Variants in SCN11A observed in about 807,000 individuals in gnomAD.
The protein encoded by SCN11A is sodium channel protein type 11 subunit alpha.
A neutral mutation model predicts 162.2 loss-of-function variants in SCN11A; 122 were observed. The observed-to-expected ratio is 0.75, with a 90% confidence interval of 0.65 to 0.87. The LOEUF (loss-of-function observed/expected upper bound fraction) is 0.87, where lower values mean the gene tolerates loss of function less well. Ranked by LOEUF, SCN11A falls within the 40% of genes least tolerant of loss-of-function variation. SCN11A has a pLI of 0.00. For synonymous variants in SCN11A, 758 were observed against 751.5 expected, an observed-to-expected ratio of 1.01 and a Z score of -0.14; for missense variants, 2,015 against 2,181.6, an observed-to-expected ratio of 0.92 and a Z score of 1.52.
chr3:38,902,179 T>C (rs2126122755), intron 16 of SCN11A, among the ~76,000 whole-genome samples: 1 of 152,336 alleles, frequency 6.6e-6, no homozygotes, highest in South Asian at 2.1e-4. Flanking sequence ...CTGCTGACCA[T>C]GCCCCTATAG....
chr3:38,882,036 G>A (rs1433147769), intron 22 of SCN11A, among the ~76,000 whole-genome samples: 1 of 152,152 alleles, frequency 6.6e-6, no homozygotes, highest in Admixed American at 6.5e-5. Context: ...TAGACAGCCA[G>A]TGAAAATGTA....
Position 38,863,347 on chromosome 3 carries a change from A to T in SCN11A, c.3952-48T>A, listed in dbSNP as rs371513504. On this transcript the variant is annotated intron_variant, in intron 27 of 29. Coordinates refer to ENST00000302328, the MANE Select transcript of SCN11A (RefSeq NM_001349253.2). ...AATTACCTTTAACAGTTTTTTTTTT[A>T]ATCTAGTTCTGAATTTTTTGACACA... The T allele has an allele frequency of 4.5e-4, 411 of 915,756 alleles. No homozygotes were observed. The African/African-American group carries it at 5.6e-3, about 13-fold the overall frequency. 56.7% of individuals were successfully genotyped at this position (915,756 alleles called of 1,614,324 possible).
chr3:39,003,493 T>C (rs2030878220), intron 2 of SCN11A, among the ~76,000 whole-genome samples: 1 of 152,240 alleles, frequency 6.6e-6, no homozygotes, highest in Non-Finnish European at 1.5e-5. Context: ...AATGAACATC[T>C]GCATGTATGT....
intron 7 of SCN11A, among the ~76,000 whole-genome samples, chr3:38,927,364 T>C (rs182454620): frequency 1.5e-4 from 23 of 152,304 alleles, no homozygotes; most frequent in African/African-American, 4.1e-4. Flanking sequence ...AGGTTTAATA[T>C]TGTTAAGATA....
rs577145644 is a variant in SCN11A at position 38,926,911 on chromosome 3, T to C, written c.509A>G (p.Tyr170Cys). Residue 170 changes from tyrosine to cysteine, a missense_variant, in exon 8 of 30, where the codon TAT (tyrosine) becomes TGT (cysteine). By Grantham distance (194) the Tyr-to-Cys change is radical (BLOSUM62 -2). Coordinates refer to ENST00000302328, the MANE Select transcript of SCN11A (RefSeq NM_001349253.2). ...DIAECVFTGIYIFEALIKILA... is the reference protein window; with the variant it reads ...DIAECVFTGICIFEALIKILA... ...TATTTTAATCAAAGCTTCAAAAATA[T>C]AAATCCCAGTGAAGACACACCTAAA... is the stretch of plus-strand genomic sequence containing the variant. The C allele has an allele frequency of 6.2e-7, 1 of 1,613,238 alleles. No individual in the cohort carries two copies. Among genetic ancestry groups the C allele is most frequent in the South Asian group, 1.1e-5 (1 of 91,002 alleles).
chr3:38,972,340 T>C (rs1056575675), intron 2 of SCN11A, among the ~76,000 whole-genome samples: 3 of 152,128 alleles, frequency 2.0e-5, no homozygotes, highest in Non-Finnish European at 4.4e-5. Flanking sequence ...CCAGGTCCTT[T>C]TACCTATGCT....
At chr3:38,905,100 C>G in intron 15 of SCN11A, 92 bp downstream of exon 15, 1 of 1,559,390 alleles carries the variant, frequency 6.4e-7, no homozygotes, top group Non-Finnish European at 8.8e-7. Flanking sequence ...AAACAGCCTC[C>G]TTTGCAGAGG....
intron 19 of SCN11A, among the ~76,000 whole-genome samples, chr3:38,892,895 A>G (rs1276839405): frequency 1.3e-5 from 2 of 152,134 alleles, no homozygotes; most frequent in East Asian, 3.9e-4. Context: ...AGTTATTAAA[A>G]TGTTATACTA....
At chr3:39,008,297 A>G (rs1177803320) in intron 2 of SCN11A, among the ~76,000 whole-genome samples, 1 of 151,320 alleles carries the variant, frequency 6.6e-6, no homozygotes, top group Non-Finnish European at 1.5e-5. Flanking sequence ...ATGAGAGGAG[A>G]ATAAAGTCAT....
In SCN11A at chr3:38,850,768, A is replaced by C; in HGVS notation, c.4057-17T>G. 6.4e-7 allele frequency: 1 copy of C among 1,551,082 alleles called. No homozygotes were observed. The highest frequency in any genetic ancestry group is 8.7e-7 in the Non-Finnish European group (1 of 1,149,014). ...ACATTTGTTCTGAGAAAAAAAAGAA[A>C]TTATAAATCATTTTGAATGCAAGAA... On this transcript the variant is annotated splice_polypyrimidine_tract_variant and intron_variant, in intron 28 of 29. Coordinates refer to ENST00000302328, the MANE Select transcript of SCN11A (RefSeq NM_001349253.2).
At chr3:39,008,898 A>T (rs1204646643) in intron 2 of SCN11A, among the ~76,000 whole-genome samples, 2 of 151,734 alleles carry the variant, frequency 1.3e-5, no homozygotes, top group East Asian at 1.9e-4. Context: ...CAAAAAAAAA[A>T]GTATGTATAT....
Position 38,884,019 on chromosome 3 carries a change from C to A in SCN11A, c.3065-632G>T, listed in dbSNP as rs566762836. ...GCTGAGCATTTGTTCTGAACACACA[C>A]AGGCCTTCAATATAGACCACATTGC... On this transcript the variant is annotated intron_variant, in intron 21 of 29. Transcript: ENST00000302328. Among the ~76,000 whole-genome samples, 42 of 152,292 alleles carry A rather than the reference C, an allele frequency of 2.8e-4. No homozygotes were observed. In the South Asian group the frequency reaches 8.1e-3, roughly 29 times the overall value.
chr3:39,007,533 G>A (rs2031011617), intron 2 of SCN11A, among the ~76,000 whole-genome samples: 1 of 152,142 alleles, frequency 6.6e-6, no homozygotes, highest in Admixed American at 6.5e-5. Context: ...AAAGGGGCTG[G>A]AGATTGAGCT....
At chr3:38,898,191 T>C (rs1380964428) in intron 17 of SCN11A, among the ~76,000 whole-genome samples, 1 of 152,110 alleles carries the variant, frequency 6.6e-6, no homozygotes, top group Admixed American at 6.5e-5. Context: ...TGAGCTGAGA[T>C]CACGCCACTG....
intron 12 of SCN11A, among the ~76,000 whole-genome samples, chr3:38,909,559 GCATTTAAAATTTT>G (rs1469405036): frequency 6.6e-6 from 1 of 151,032 alleles, no homozygotes; most frequent in Non-Finnish European, 1.5e-5. Flanking sequence ...TCCAAATATT[GCATTTAAAATTTT>G]CTTGAAGTTT....
chr3:38,984,958 G>C lies in SCN11A; in HGVS notation c.-279-24535C>G, dbSNP rs773478942. 4.0e-5 allele frequency among the ~76,000 whole-genome samples: 6 copies of C among 151,306 alleles called. 1 individual carries two copies. Among genetic ancestry groups the C allele is most frequent in the Non-Finnish European group, 7.4e-5 (5 of 68,010 alleles). Reference sequence around the variant, plus strand: ...AGTGTGACTAGAGTTGAGTGAATGAGCAAGCATAGTAGGAGATGAGGCAGA... The same window carrying C: ...AGTGTGACTAGAGTTGAGTGAATGACCAAGCATAGTAGGAGATGAGGCAGA... On this transcript the variant is annotated intron_variant, in intron 2 of 29. Coordinates refer to ENST00000302328, the MANE Select transcript of SCN11A (RefSeq NM_001349253.2).
intron 23 of SCN11A, among the ~76,000 whole-genome samples, chr3:38,872,637 GA>G (rs2065148372): frequency 6.6e-6 from 1 of 152,128 alleles, no homozygotes; most frequent in South Asian, 2.1e-4. Flanking sequence ...TCTTTATGGT[GA>G]ATTTGAAAAA....
intron 9 of SCN11A, among the ~76,000 whole-genome samples, chr3:38,925,054 T>C (rs978866606): frequency 2.0e-5 from 3 of 152,172 alleles, no homozygotes; most frequent in African/African-American, 7.2e-5. Flanking sequence ...ACCCTGTGAC[T>C]TCCCATAGCC....
intron 11 of SCN11A, 72 bp downstream of exon 11, chr3:38,919,863 A>G (rs573816578): frequency 9.4e-7 from 1 of 1,062,138 alleles, no homozygotes; most frequent in South Asian, 1.3e-5. Flanking sequence ...GTCATTAAAG[A>G]CTGTTTGCCA....
Sources: gnomAD v4.1 joint callset for allele counts (sites outside exome capture counted in the v4.1 genomes callset) on GRCh38, gnomAD v4.1.1 for gene constraint, MANE v1.5 for transcripts, NCBI Gene and HGNC (gene_info 2026-07-23, HGNC 2026-07-21) for gene names.